The following LPA variants were observed in gnomAD, a reference collection of about 807,000 sequenced individuals.
LPA encodes apolipoprotein(a).
LPA carries 199 observed loss-of-function variants against 197.9 expected under a neutral mutation model. The ratio of observed to expected loss-of-function variants is 1.01; its 90% CI spans 0.90 to 1.13. LPA has a LOEUF of 1.13. Among genes scored for constraint, LPA ranks in the 50% most tolerant of loss-of-function variants. LPA has a pLI of 0.00. For missense variants in LPA, 1,853 were observed against 1,785.8 expected (o/e 1.04, Z -0.68); for synonymous variants, 715 against 639.5 (o/e 1.12, Z -1.78).
intron 27 of LPA, among the ~76,000 whole-genome samples, chr6:160,578,229 C>G (rs904302631): frequency 6.6e-5 from 10 of 152,054 alleles, no homozygotes; most frequent in African/African-American, 2.4e-4. Context: ...GTTAGAATAT[C>G]CATTTTGGCT....
intron 20 of LPA, among the ~76,000 whole-genome samples, chr6:160,597,864 CTG>C (rs1332709378): frequency 6.6e-6 from 1 of 152,214 alleles, no homozygotes; most frequent in East Asian, 1.9e-4. Context: ...AGGACTCACA[CTG>C]TGGATATTGC....
intron 23 of LPA, among the ~76,000 whole-genome samples, chr6:160,590,385 A>G (rs1436264918): frequency 2.0e-5 from 3 of 152,186 alleles, no homozygotes; most frequent in African/African-American, 7.2e-5. Context: ...AATCCCTTCC[A>G]TCAAAGCCTA....
intron 30 of LPA, among the ~76,000 whole-genome samples, chr6:160,553,903 C>T (rs1778205797): frequency 6.9e-6 from 1 of 145,326 alleles, no homozygotes; most frequent in African/African-American, 2.7e-5. Context: ...TTTTTTCAGC[C>T]TTTCTCTCTC....
intron 1 of LPA, among the ~76,000 whole-genome samples, chr6:160,657,201 C>T (rs1022246228): frequency 5.3e-5 from 8 of 152,096 alleles, no homozygotes; most frequent in African/African-American, 1.4e-4. Context: ...TTTCACAAAG[C>T]TTCGGCCAAG....
At chr6:160,649,975 G>T (rs1582899162) in intron 2 of LPA, among the ~76,000 whole-genome samples, 3 of 152,234 alleles carry the variant, frequency 2.0e-5, no homozygotes, top group East Asian at 3.9e-4. Flanking sequence ...GACAGAAAAG[G>T]CCAACACAAC....
intron 1 of LPA, among the ~76,000 whole-genome samples, chr6:160,652,051 A>G (rs975898248): frequency 2.0e-5 from 3 of 151,210 alleles, no homozygotes; most frequent in African/African-American, 7.3e-5. Context: ...TATAAGGTTT[A>G]TGAAGCAATA....
intron 1 of LPA, among the ~76,000 whole-genome samples, chr6:160,659,827 G>A (rs190877687): frequency 1.4e-4 from 21 of 152,292 alleles, no homozygotes; most frequent in African/African-American, 2.9e-4. Flanking sequence ...CTGGAGGTCC[G>A]TGAGAGTCCT....
At chr6:160,535,937 CT>C (rs1341574116) in intron 37 of LPA, among the ~76,000 whole-genome samples, 1 of 152,162 alleles carries the variant, frequency 6.6e-6, no homozygotes, top group Non-Finnish European at 1.5e-5. Flanking sequence ...TGCCCAGCAG[CT>C]TTTTGCCCTA....
intron 26 of LPA, among the ~76,000 whole-genome samples, chr6:160,581,020 C>T (rs924668374): frequency 6.6e-6 from 1 of 151,380 alleles, no homozygotes; most frequent in South Asian, 2.1e-4. Context: ...TTTTTCATAG[C>T]AGTCTTATAT....
At chr6:160,542,334 A>G (rs1470214464) in intron 34 of LPA, among the ~76,000 whole-genome samples, 2 of 152,174 alleles carry the variant, frequency 1.3e-5, no homozygotes, top group African/African-American at 4.8e-5. Flanking sequence ...AAAGTGTCAC[A>G]TTTCTAAAAA....
At chr6:160,609,806 CAT>C (rs1779447986) in intron 16 of LPA, among the ~76,000 whole-genome samples, 1 of 151,396 alleles carries the variant, frequency 6.6e-6, no homozygotes, top group Non-Finnish European at 1.5e-5. Flanking sequence ...TGAGTTTTTG[CAT>C]GTGTGTGTGT....
rs144316504 is a variant in LPA, at chr6:160,595,676, G to T, written c.3288-141C>A. On this transcript the variant is annotated intron_variant, in intron 20 of 38. Coordinates refer to ENST00000316300, the MANE Select transcript of LPA (RefSeq NM_005577.4). Reference sequence around the variant, plus strand: ...TAAAGGTCCCATAATATGCACAAATGGTCCTCAACTTCTAAACAACTGCGA... The same window carrying T: ...TAAAGGTCCCATAATATGCACAAATTGTCCTCAACTTCTAAACAACTGCGA... The T allele has an allele frequency of 1.2e-5, 15 of 1,217,824 alleles. No individual in the cohort carries two copies. The African/African-American group carries it at 1.5e-4, about 12-fold the overall frequency. The allele number at this position is 1,217,824 out of a possible 1,614,324, so 75.4% of individuals were successfully genotyped here.
Position 160,541,203 on chromosome 6 carries a change from G to A in LPA, c.5520-22C>T, listed in dbSNP as rs41266348. 4.1e-3 allele frequency: 6,393 copies of A among 1,570,586 alleles called. 204 individuals are homozygous for A. In the African/African-American group the frequency reaches 0.074, roughly 18 times the overall value. On this transcript the variant is annotated intron_variant, in intron 34 of 38. Transcript: ENST00000316300. ...AAACCTAGAAAGAAAACATGCCAAG[G>A]CTTTGGTCAAATTGGATGGTTTGTT...
At chr6:160,635,404 CT>C in intron 6 of LPA, 100 bp from the exon 7 acceptor site, 1 of 581,320 alleles carries the variant, frequency 1.7e-6, no homozygotes, top group South Asian at 2.0e-5. Context: ...TTACCGGTGC[CT>C]TTCTAATATT....
Position 160,578,637 on chromosome 6 carries a change from G to C in LPA, c.4357C>G (p.Pro1453Ala), listed in dbSNP as rs1778732322. 2.5e-6 allele frequency: 4 copies of C among 1,613,934 alleles called. No individual in the cohort carries two copies. The South Asian group carries it at 3.3e-5, about 13-fold the overall frequency. The change falls in exon 27 of 39, where the codon CCC (proline) becomes GCC (alanine). Residue 1453 changes from proline to alanine, a missense_variant. Physicochemically the swap from Pro to Ala is conservative, Grantham distance 27. Coordinates refer to ENST00000316300, the MANE Select transcript of LPA (RefSeq NM_005577.4). The part of the protein sequence containing the change: ...EIRPWCYTMD[P>A]SVRWEYCNLT... ...TTGCAGTACTCCCACCTGACACTGG[G>C]ATCCATGGTGTAACACCAAGGGCGA...
At chr6:160,547,978 G>C (rs183947524) in intron 31 of LPA, 41 bp from the exon 32 acceptor site, 1 of 1,605,386 alleles carries the variant, frequency 6.2e-7, no homozygotes, top group East Asian at 2.2e-5. Context: ...ATTACAGACA[G>C]CCAGGCAGCC....
intron 16 of LPA, among the ~76,000 whole-genome samples, chr6:160,606,918 A>T (rs912035776): frequency 6.6e-6 from 1 of 152,226 alleles, no homozygotes; most frequent in Admixed American, 6.5e-5. Flanking sequence ...TAATACATAC[A>T]CGTGGGCAAA....
chr6:160,660,752 T>G (rs564260293), intron 1 of LPA, among the ~76,000 whole-genome samples: 12 of 151,614 alleles, frequency 7.9e-5, no homozygotes, highest in Admixed American at 5.9e-4. Flanking sequence ...TGTTCTCATC[T>G]TGGGCAAAAA....
intron 28 of LPA, among the ~76,000 whole-genome samples, chr6:160,561,594 C>T (rs907114829): frequency 1.3e-5 from 2 of 152,098 alleles, no homozygotes; most frequent in African/African-American, 2.4e-5. Flanking sequence ...GTAGTTTTTT[C>T]TAATTATGTG....
Sources: gnomAD v4.1 joint callset for allele counts (sites outside exome capture counted in the v4.1 genomes callset) on GRCh38, gnomAD v4.1.1 for gene constraint, MANE v1.5 for transcripts, NCBI Gene and HGNC (gene_info 2026-07-23, HGNC 2026-07-21) for gene names.